The following LEPR variants were observed in gnomAD, a reference collection of about 807,000 sequenced individuals.
The protein encoded by LEPR is leptin receptor.
LEPR carries 56 observed loss-of-function variants against 114.7 expected under a neutral mutation model. The ratio of observed to expected loss-of-function variants is 0.49; its 90% confidence interval spans 0.39 to 0.61. The LOEUF is 0.61. Ranked by LOEUF, LEPR falls within the 20% of genes least tolerant of loss-of-function variation. The pLI is 0.00. For missense variants in LEPR, 1,202 were observed against 1,352.9 expected (o/e 0.89, Z 1.75); for synonymous variants, 443 against 461.4 (o/e 0.96, Z 0.51).
At position 65,596,608 on chromosome 1, in the gene LEPR, G is replaced by C; in HGVS notation, c.849+15G>C. ...TTATCAGAGAAGTAAGTATATTTTA[G>C]TAAGTAAAAGGAAAAGTTGAGAAGT... On this transcript the variant is annotated intron_variant, in intron 7 of 19. Coordinates refer to ENST00000349533, the MANE Select transcript of LEPR (RefSeq NM_002303.6). 1.2e-6 allele frequency: 2 copies of C among 1,608,928 alleles called. No individual in the cohort carries two copies. The highest frequency in any genetic ancestry group is 8.5e-7 in the Non-Finnish European group (1 of 1,176,420).
rs1486925307 is a variant in LEPR, at chr1:65,518,941, CTCTTTCT to C, written c.-20-46592_-20-46586del. Among the ~76,000 whole-genome samples, 15 of 136,072 alleles carry C rather than the reference CTCTTTCT, an allele frequency of 1.1e-4. No homozygotes were observed. The South Asian group carries it at 3.0e-3, about 27-fold the overall frequency. 89.3% of individuals were successfully genotyped at this position (136,072 alleles called of 152,430 possible). On this transcript the variant is annotated intron_variant, in intron 2 of 19. Coordinates refer to ENST00000349533, the MANE Select transcript of LEPR (RefSeq NM_002303.6). ...TCTCTCTTTCTCTGTTTCTTTCTTT[CTCTTTCT>C]TCTTTCTTCTTTTTCTTTTCTTTTT...
At chr1:65,627,632 C>A (rs1282503622) in intron 19 of LEPR, among the ~76,000 whole-genome samples, 1 of 151,970 alleles carries the variant, frequency 6.6e-6, no homozygotes, top group African/African-American at 2.4e-5. Context: ...AATGAAATAG[C>A]AAATCCACAT....
chr1:65,447,336 A>G (rs887457570), intron 2 of LEPR, among the ~76,000 whole-genome samples: 3 of 152,018 alleles, frequency 2.0e-5, no homozygotes, highest in East Asian at 3.9e-4. Flanking sequence ...TTGAAATCCA[A>G]TTATTCCAGC....
intron 2 of LEPR, among the ~76,000 whole-genome samples, chr1:65,485,793 T>C (rs1446385264): frequency 6.6e-6 from 1 of 152,114 alleles, no homozygotes; most frequent in Admixed American, 6.5e-5. Flanking sequence ...CCATTGTGGG[T>C]CTCTTTGAAC....
At position 65,565,380 on chromosome 1, in the gene LEPR, G is replaced by A. The variant is rs6673324; in HGVS notation, c.-20-166G>A. On this transcript the variant is annotated intron_variant, in intron 2 of 19. Coordinates refer to ENST00000349533, the MANE Select transcript of LEPR (RefSeq NM_002303.6). ...ATAGGATGCGTACAGGAATAAATCT[G>A]TAGCCTAATTTTACGTGAGATATTT... Among the ~76,000 whole-genome samples, 79,793 of 151,976 alleles carry A rather than the reference G, an allele frequency of 0.53. 21,607 individuals carry two copies. The highest frequency in any genetic ancestry group is 0.89 in the East Asian group (4,612 of 5,184).
At chr1:65,466,872 C>G (rs1032814143) in intron 2 of LEPR, among the ~76,000 whole-genome samples, 8 of 152,144 alleles carry the variant, frequency 5.3e-5, no homozygotes, top group African/African-American at 1.9e-4. Context: ...GTTTTCAGCT[C>G]CATCAGGTCA....
chr1:65,621,477 A>G lies in LEPR; in HGVS notation c.2597+19A>G. 1.2e-6 allele frequency: 2 copies of G among 1,604,112 alleles called. No homozygotes were observed. The highest frequency in any genetic ancestry group is 1.7e-6 in the Non-Finnish European group (2 of 1,171,654). On this transcript the variant is annotated intron_variant, in intron 18 of 19. Coordinates refer to ENST00000349533, the MANE Select transcript of LEPR (RefSeq NM_002303.6). The stretch of plus-strand genomic sequence containing the variant: ...ACCAAAGGTATTGTACTTGAGGTTA[A>G]GAATCTTTACGGCAAAAGTCCTTAC...
At chr1:65,440,413 G>A (rs57911441) in intron 2 of LEPR, among the ~76,000 whole-genome samples, 2,636 of 151,522 alleles carry the variant, frequency 0.017, 67 homozygotes, top group African/African-American at 0.06. Context: ...TAAGTCAAAT[G>A]GATGGTATGT....
chr1:65,591,005 A>C (rs1487805765), intron 5 of LEPR, among the ~76,000 whole-genome samples: 2 of 151,814 alleles, frequency 1.3e-5, no homozygotes, highest in African/African-American at 4.8e-5. Context: ...CCCTGGAATT[A>C]TTGCTGTAAG....
At position 65,596,529 on chromosome 1, in the gene LEPR, T is replaced by G. The variant is rs1656075707; in HGVS notation, c.785T>G (p.Leu262Trp). 1 of 1,612,854 alleles carries G rather than the reference T, an allele frequency of 6.2e-7. No individual in the cohort carries two copies. The highest frequency in any genetic ancestry group is 8.5e-7 in the Non-Finnish European group (1 of 1,179,234). ...NLKISWSSPP[L>W]VPFPLQYQVK... ...AAGATTTCTTGGTCCAGCCCACCATTGGTACCATTTCCACTTCAATATCAA... is the reference window on the plus strand; with the variant it reads ...AAGATTTCTTGGTCCAGCCCACCATGGGTACCATTTCCACTTCAATATCAA... Residue 262 changes from leucine (L) to tryptophan (W), a missense_variant, in exon 7 of 20, where the codon TTG becomes TGG. Physicochemically the swap from Leu to Trp is moderately conservative, Grantham distance 61. Transcript: ENST00000349533.
At chr1:65,430,064 T>C (rs1397623553) in intron 2 of LEPR, 1 of 1,546,798 alleles carries the variant, frequency 6.5e-7, no homozygotes, top group Non-Finnish European at 8.8e-7. Flanking sequence ...TTTTATTTTC[T>C]ATTGTTTTGC....
intron 10 of LEPR, among the ~76,000 whole-genome samples, chr1:65,602,182 A>G (rs540804756): frequency 3.3e-5 from 5 of 152,114 alleles, no homozygotes; most frequent in Non-Finnish European, 5.9e-5. Flanking sequence ...ACTTCAAATT[A>G]TCTTTTCTGA....
intron 2 of LEPR, among the ~76,000 whole-genome samples, chr1:65,523,312 A>T (rs1295218603): frequency 6.6e-6 from 1 of 151,944 alleles, no homozygotes; most frequent in Non-Finnish European, 1.5e-5. Context: ...TTTATTTTTT[A>T]TTATTTATTT....
intron 2 of LEPR, among the ~76,000 whole-genome samples, chr1:65,483,532 G>A (rs1647324055): frequency 6.6e-6 from 1 of 152,126 alleles, no homozygotes; most frequent in Non-Finnish European, 1.5e-5. Flanking sequence ...TGTGGCATCA[G>A]CCTGTGAATA....
intron 2 of LEPR, among the ~76,000 whole-genome samples, chr1:65,438,192 T>C (rs1031100749): frequency 7.7e-6 from 1 of 130,386 alleles, no homozygotes; most frequent in East Asian, 2.3e-4. Context: ...ATAATATAAA[T>C]AAAATAGCTT....
intron 2 of LEPR, chr1:65,427,824 A>G (rs1646409596): frequency 4.8e-6 from 2 of 413,040 alleles, no homozygotes; most frequent in African/African-American, 2.1e-5. Flanking sequence ...AAGTTTTTGT[A>G]GAGACCGAGT....
At position 65,594,068 on chromosome 1, in the gene LEPR, T is replaced by C. The variant is rs548260429; in HGVS notation, c.703+1203T>C. Reference sequence around the variant, plus strand: ...CCTTCTATTTGAATATATATTATAATATCCCCAAATTATATGTTCCATGAA... The same window carrying C: ...CCTTCTATTTGAATATATATTATAACATCCCCAAATTATATGTTCCATGAA... On this transcript the variant is annotated intron_variant, in intron 6 of 19. Coordinates refer to ENST00000349533, the MANE Select transcript of LEPR (RefSeq NM_002303.6). 2.0e-5 allele frequency among the ~76,000 whole-genome samples: 3 copies of C among 152,144 alleles called. No homozygotes were observed. In the South Asian group the frequency reaches 6.2e-4, roughly 32 times the overall value.
chr1:65,529,084 A>T (rs1650188640), intron 2 of LEPR, among the ~76,000 whole-genome samples: 1 of 151,710 alleles, frequency 6.6e-6, no homozygotes, highest in South Asian at 2.1e-4. Context: ...AAGTGCTGGG[A>T]TTACAGGTGT....
intron 2 of LEPR, chr1:65,433,039 C>T (rs1646509164): frequency 2.0e-6 from 2 of 985,206 alleles, no homozygotes; most frequent in Admixed American, 6.1e-5. Context: ...GGGAAGAGCT[C>T]CACTGAGATG....
Sources: allele counts gnomAD v4.1 joint callset (sites outside exome capture counted in the v4.1 genomes callset), GRCh38; gene constraint gnomAD v4.1.1; transcripts MANE v1.5; gene names NCBI Gene and HGNC (gene_info 2026-07-23, HGNC 2026-07-21).